The following TNKS variants were observed in gnomAD, a reference collection of about 807,000 sequenced individuals.
TNKS encodes poly [ADP-ribose] polymerase tankyrase-1.
In TNKS, 72 loss-of-function variants were observed where a neutral mutation model predicts 135.8. The ratio of observed to expected loss-of-function variants is 0.53; its 90% CI spans 0.44 to 0.64. The LOEUF (loss-of-function observed/expected upper bound fraction) is 0.64. TNKS is among the 30% of genes least tolerant of loss of function. The pLI is 0.00. For synonymous variants in TNKS, 849 were observed against 649.3 expected (o/e 1.31, Z -4.68); for missense variants, 1,769 against 1,674.0 (o/e 1.06, Z -0.99).
chr8:9,725,588 A>G (rs951979263), intron 12 of TNKS, among the ~76,000 whole-genome samples: 1 of 152,198 alleles, frequency 6.6e-6, no homozygotes, highest in Non-Finnish European at 1.5e-5. Context: ...AAGATAATAC[A>G]ATCTTAGATC....
intron 3 of TNKS, among the ~76,000 whole-genome samples, chr8:9,655,367 C>T (rs191082333): frequency 2.6e-5 from 4 of 152,224 alleles, no homozygotes; most frequent in African/African-American, 9.6e-5. Flanking sequence ...ACTTAAATGT[C>T]CCTGTCTGAC....
chr8:9,614,067 G>A (rs967799036), intron 2 of TNKS, among the ~76,000 whole-genome samples: 2 of 152,112 alleles, frequency 1.3e-5, no homozygotes, highest in Admixed American at 6.6e-5. Flanking sequence ...GTTAGAGATA[G>A]TTATCAGCTT....
intron 2 of TNKS, among the ~76,000 whole-genome samples, chr8:9,588,964 A>C (rs1798490279): frequency 6.6e-6 from 1 of 152,196 alleles, no homozygotes; most frequent in Non-Finnish European, 1.5e-5. Flanking sequence ...GAGTGGGGAA[A>C]GATGACAGCA....
chr8:9,593,256 C>A (rs1232721624), intron 2 of TNKS, among the ~76,000 whole-genome samples: 1 of 152,130 alleles, frequency 6.6e-6, no homozygotes, highest in East Asian at 1.9e-4. Flanking sequence ...TATTTGTGTC[C>A]TGTGTGTGAG....
chr8:9,721,466 A>G (rs1804877405), intron 12 of TNKS, among the ~76,000 whole-genome samples: 1 of 151,770 alleles, frequency 6.6e-6, no homozygotes, highest in Non-Finnish European at 1.5e-5. Flanking sequence ...AACTAGAATC[A>G]AAAGTTTAGT....
chr8:9,711,051 G>GT (rs1279020063), intron 11 of TNKS, among the ~76,000 whole-genome samples: 1 of 152,108 alleles, frequency 6.6e-6, no homozygotes, highest in South Asian at 2.1e-4. Context: ...CAAACTGGTT[G>GT]TTTTTTAGAG....
chr8:9,623,275 G>A (rs1799932479), intron 3 of TNKS, among the ~76,000 whole-genome samples: 1 of 152,158 alleles, frequency 6.6e-6, no homozygotes, highest in Non-Finnish European at 1.5e-5. Flanking sequence ...AGTATTTAAG[G>A]TGTTTGATCT....
chr8:9,753,411 G>A (rs1160542613), intron 20 of TNKS, among the ~76,000 whole-genome samples: 1 of 152,116 alleles, frequency 6.6e-6, no homozygotes, highest in African/African-American at 2.4e-5. Flanking sequence ...TAAACCAAAA[G>A]TTGGCCATAC....
At chr8:9,680,692 T>A (rs774816211) in intron 4 of TNKS, 33 bp from the exon 5 acceptor site, 2 of 1,478,860 alleles carry the variant, frequency 1.4e-6, no homozygotes, top group South Asian at 2.4e-5. Flanking sequence ...AGCTTTGTAA[T>A]TTTAGAGGAA....
Position 9,766,353 on chromosome 8 carries a change from A to G in TNKS, c.3668A>G (p.Gln1223Arg). ...YFAENSSKSNQYVYGIGGGTG... is the reference protein window; with the variant it reads ...YFAENSSKSNRYVYGIGGGTG... The stretch of plus-strand genomic sequence containing the variant: ...GCTGAAAACTCCTCAAAAAGCAACC[A>G]ATATGTTTATGGAATTGGAGGAGGA... Residue 1223 changes from glutamine to arginine, a missense_variant, in exon 25 of 27, where the codon CAA (glutamine) becomes CGA (arginine). By Grantham distance (43) the Gln-to-Arg change is conservative (BLOSUM62 1). Coordinates refer to ENST00000310430, the MANE Select transcript of TNKS (RefSeq NM_003747.3). 1 of 1,613,988 alleles carries G rather than the reference A, an allele frequency of 6.2e-7. No individual in the cohort carries two copies. The highest frequency in any genetic ancestry group is 1.1e-5 in the South Asian group (1 of 91,072).
intron 18 of TNKS, among the ~76,000 whole-genome samples, chr8:9,751,189 A>G (rs1031495223): frequency 6.6e-6 from 1 of 152,206 alleles, no homozygotes; most frequent in Non-Finnish European, 1.5e-5. Context: ...AAAACTGAAA[A>G]GTTTATGAAT....
chr8:9,677,385 C>T (rs768634931), intron 3 of TNKS, among the ~76,000 whole-genome samples: 111 of 152,064 alleles, frequency 7.3e-4, no homozygotes, highest in Non-Finnish European at 1.3e-3. Flanking sequence ...ATAAACTATG[C>T]TTGATGAGAA....
intron 2 of TNKS, among the ~76,000 whole-genome samples, chr8:9,586,724 T>C (rs1585199925): frequency 1.7e-5 from 1 of 57,452 alleles, no homozygotes; most frequent in Non-Finnish European, 3.5e-5. Flanking sequence ...ATCTAAAACG[T>C]GTGTGTGTGT....
intron 25 of TNKS, among the ~76,000 whole-genome samples, chr8:9,767,424 A>T (rs1467762200): frequency 6.6e-6 from 1 of 152,250 alleles, no homozygotes; most frequent in East Asian, 1.9e-4. Context: ...ATTCTTTTTA[A>T]CAAGCCAGGT....
intron 3 of TNKS, 24 bp from the exon 4 acceptor site, chr8:9,679,927 G>C: frequency 6.2e-7 from 1 of 1,602,438 alleles, no homozygotes; most frequent in Non-Finnish European, 8.5e-7. Flanking sequence ...AATGCTAACA[G>C]CATGATATTT....
chr8:9,692,575 G>T (rs1803328389), intron 5 of TNKS, among the ~76,000 whole-genome samples: 2 of 152,188 alleles, frequency 1.3e-5, no homozygotes, highest in South Asian at 4.1e-4. Flanking sequence ...AAGAACCGCT[G>T]ACCAAGAGGT....
At chr8:9,577,181 A>ATTTGGTTGACC (rs1336515008) in intron 1 of TNKS, among the ~76,000 whole-genome samples, 8 of 152,116 alleles carry the variant, frequency 5.3e-5, no homozygotes, top group African/African-American at 1.9e-4. Flanking sequence ...TTTTGGTTGA[A>ATTTGGTTGACC]AATGAAAATT....
rs180873014 is a variant in TNKS, at chr8:9,645,621, A to T, written c.994+29944A>T. Among the ~76,000 whole-genome samples the T allele has an allele frequency of 2.7e-4, 41 of 152,250 alleles. No individual in the cohort carries two copies. The East Asian group carries it at 7.2e-3, about 27-fold the overall frequency. Reference sequence around the variant, plus strand: ...TGGGGGACTATGAGGCACATACTTAATCTAGGTAGAGGGGAAACAGGCATC... The same window carrying T: ...TGGGGGACTATGAGGCACATACTTATTCTAGGTAGAGGGGAAACAGGCATC... On this transcript the variant is annotated intron_variant, in intron 3 of 26. Transcript: ENST00000310430.
Position 9,764,707 on chromosome 8 carries a change from G to C in TNKS, c.3373-9G>C, listed in dbSNP as rs751380495. ...ATGTTTTTATAAAATTAGTTATTTT[G>C]TTCTGTAGATGCAAAGTACTATTCG... is the stretch of plus-strand genomic sequence containing the variant. On this transcript the variant is annotated splice_polypyrimidine_tract_variant and intron_variant, in intron 22 of 26. Coordinates refer to ENST00000310430, the MANE Select transcript of TNKS (RefSeq NM_003747.3). 2.5e-6 allele frequency: 4 copies of C among 1,587,916 alleles called. No individual in the cohort carries two copies. The South Asian group carries it at 3.6e-5, about 14-fold the overall frequency.
Sources: gnomAD v4.1 joint callset for allele counts (sites outside exome capture counted in the v4.1 genomes callset) on GRCh38, gnomAD v4.1.1 for gene constraint, MANE v1.5 for transcripts, NCBI Gene and HGNC (gene_info 2026-07-23, HGNC 2026-07-21) for gene names.